Variants in SOX5 observed in about 807,000 individuals in gnomAD.
SOX5 encodes SRY-box transcription factor 5, also known as transcription factor SOX-5.
In SOX5, 9 loss-of-function variants were observed where a neutral mutation model predicts 92.0. The observed-to-expected ratio is 0.10, with a 90% CI of 0.06 to 0.17. SOX5 has a LOEUF of 0.17. Among genes scored for constraint, SOX5 ranks in the 10% least tolerant of loss-of-function variants. The pLI, the probability that SOX5 is intolerant of heterozygous loss-of-function variation, is 1.00. For missense variants in SOX5, 642 were observed against 944.5 expected (o/e 0.68, Z 4.20); for synonymous variants, 344 against 336.3 (o/e 1.02, Z -0.25).
At chr12:24,449,215 C>T (rs1941919048) in intron 1 of SOX5, among the ~76,000 whole-genome samples, 1 of 152,174 alleles carries the variant, frequency 6.6e-6, no homozygotes, top group African/African-American at 2.4e-5. Context: ...TCCAACAGCT[C>T]ACCAGCACAC....
intron 3 of SOX5, among the ~76,000 whole-genome samples, chr12:23,771,170 C>G (rs768868321): frequency 2.9e-5 from 4 of 136,442 alleles, no homozygotes; most frequent in Non-Finnish European, 4.6e-5. Flanking sequence ...TTAACACATA[C>G]TTTCCCAAAA....
At chr12:24,387,895 C>A (rs1419325817) in intron 1 of SOX5, among the ~76,000 whole-genome samples, 1 of 152,170 alleles carries the variant, frequency 6.6e-6, no homozygotes, top group Non-Finnish European at 1.5e-5. Context: ...CTGAGCAGCT[C>A]ATACTCAGAA....
intron 4 of SOX5, among the ~76,000 whole-genome samples, chr12:23,957,486 T>C (rs1946411779): frequency 6.6e-6 from 1 of 152,170 alleles, no homozygotes; most frequent in Non-Finnish European, 1.5e-5. Context: ...GTGATTGGCG[T>C]AGGGGGGAAT....
chr12:24,404,425 T>C (rs144503569), intron 1 of SOX5, among the ~76,000 whole-genome samples: 2 of 152,312 alleles, frequency 1.3e-5, no homozygotes, highest in African/African-American at 4.8e-5. Flanking sequence ...ATTCATTTTC[T>C]AGCCAATGGT....
intron 3 of SOX5, among the ~76,000 whole-genome samples, chr12:23,790,414 A>G (rs911335656): frequency 1.3e-5 from 2 of 152,170 alleles, no homozygotes; most frequent in Admixed American, 1.3e-4. Flanking sequence ...CATACATTCA[A>G]TAAATAATAG....
chr12:23,850,601 T>C (rs1203109851), intron 2 of SOX5, among the ~76,000 whole-genome samples: 3 of 152,008 alleles, frequency 2.0e-5, no homozygotes, highest in Non-Finnish European at 4.4e-5. Flanking sequence ...ATGTTGAAAC[T>C]AAATTTCACT....
At chr12:23,569,620 G>A (rs920770451) in intron 10 of SOX5, among the ~76,000 whole-genome samples, 7 of 152,076 alleles carry the variant, frequency 4.6e-5, no homozygotes, top group East Asian at 1.9e-4. Context: ...TGTGTCCTGC[G>A]TTTAAGCTGT....
intron 2 of SOX5, among the ~76,000 whole-genome samples, chr12:23,865,621 GC>G (rs1196298741): frequency 6.6e-6 from 1 of 150,834 alleles, no homozygotes; most frequent in Non-Finnish European, 1.5e-5. Flanking sequence ...GTTGCAGTGA[GC>G]CGAGATCACA....
Position 23,939,697 on chromosome 12 carries a change from G to A in SOX5, c.38+9867C>T, listed in dbSNP as rs564408955. 6.6e-5 allele frequency among the ~76,000 whole-genome samples: 10 copies of A among 150,624 alleles called. No individual in the cohort carries two copies. In the South Asian group the frequency reaches 2.1e-3, roughly 31 times the overall value. On this transcript the variant is annotated intron_variant, in intron 1 of 14. Coordinates refer to ENST00000451604, the MANE Select transcript of SOX5 (RefSeq NM_006940.6). ...CAACACTGCATTAAAAAAACAGCAT[G>A]CGACCTGCCAAATATATTAACAATA...
intron 9 of SOX5, among the ~76,000 whole-genome samples, chr12:23,594,043 A>C (rs1951978912): frequency 6.6e-6 from 1 of 152,176 alleles, no homozygotes; most frequent in South Asian, 2.1e-4. Flanking sequence ...TTTTAAGCTG[A>C]CTATTTTAAA....
chr12:24,496,324 T>C (rs117313682), intron 1 of SOX5, among the ~76,000 whole-genome samples: 152 of 152,328 alleles, frequency 1.0e-3, no homozygotes, highest in Middle Eastern at 3.4e-3. Flanking sequence ...GCCTCTGTTC[T>C]TTTTGGCTTT....
At chr12:24,529,277 ATTACT>A (rs1244412125) in intron 1 of SOX5, among the ~76,000 whole-genome samples, 2 of 152,240 alleles carry the variant, frequency 1.3e-5, no homozygotes, top group South Asian at 2.1e-4. Context: ...CAGATAATAC[ATTACT>A]TTACCACATC....
chr12:23,840,276 A>T (rs2096496229), intron 3 of SOX5, among the ~76,000 whole-genome samples: 1 of 152,162 alleles, frequency 6.6e-6, no homozygotes, highest in Non-Finnish European at 1.5e-5. Flanking sequence ...TATAAATGTA[A>T]CAAAGTATGT....
chr12:23,637,390 G>T (rs2079402765), intron 8 of SOX5, among the ~76,000 whole-genome samples: 1 of 152,126 alleles, frequency 6.6e-6, no homozygotes, highest in Non-Finnish European at 1.5e-5. Flanking sequence ...TGGTTCTAAA[G>T]AAAGACATCA....
intron 3 of SOX5, among the ~76,000 whole-genome samples, chr12:23,802,832 T>C (rs1338498971): frequency 6.6e-6 from 1 of 152,184 alleles, no homozygotes; most frequent in Non-Finnish European, 1.5e-5. Context: ...CATCTTATTG[T>C]GTCCCTTTAT....
intron 1 of SOX5, among the ~76,000 whole-genome samples, chr12:24,503,407 A>G (rs1236465980): frequency 1.3e-5 from 2 of 152,226 alleles, no homozygotes; most frequent in Non-Finnish European, 2.9e-5. Flanking sequence ...TTTACAAAGC[A>G]TAGCTTAAAA....
chr12:23,883,474 T>C (rs2097023598), intron 2 of SOX5, among the ~76,000 whole-genome samples: 1 of 152,254 alleles, frequency 6.6e-6, no homozygotes. Context: ...ATTTAAGAAC[T>C]ATATCATCTA....
intron 2 of SOX5, among the ~76,000 whole-genome samples, chr12:24,296,818 T>C (rs199869476): frequency 6.2e-4 from 85 of 137,434 alleles, no homozygotes; most frequent in Non-Finnish European, 1.1e-3. Flanking sequence ...ACATTGTTCT[T>C]AAAAAAAAAA....
intron 3 of SOX5, among the ~76,000 whole-genome samples, chr12:24,228,648 C>G (rs773946257): frequency 1.1e-4 from 16 of 152,074 alleles, no homozygotes; most frequent in Non-Finnish European, 1.6e-4. Context: ...CAGAAATATT[C>G]TGTGTGTGTG....
Sources: gnomAD v4.1 joint callset for allele counts (sites outside exome capture counted in the v4.1 genomes callset) on GRCh38, gnomAD v4.1.1 for gene constraint, MANE v1.5 for transcripts, NCBI Gene and HGNC (gene_info 2026-07-23, HGNC 2026-07-21) for gene names.